Variants in MEIOSIN observed in about 807,000 individuals in gnomAD.
MEIOSIN encodes meiosis initiator, also known as meiosis initiator protein.
MEIOSIN carries 18 observed loss-of-function variants against 23.4 expected under a neutral mutation model. The observed-to-expected ratio is 0.77, with a 90% CI of 0.53 to 1.14. MEIOSIN has a LOEUF of 1.14. MEIOSIN is among the 50% of genes most tolerant of loss of function. The pLI, the probability that MEIOSIN is intolerant of heterozygous loss-of-function variation, is 0.00. For missense variants in MEIOSIN, 428 were observed against 242.9 expected (o/e 1.76, Z -5.07); for synonymous variants, 187 against 100.6 (o/e 1.86, Z -5.14).
chr19:45,748,332 G>A (rs901891600), intron 4 of MEIOSIN, among the ~76,000 whole-genome samples: 2 of 152,116 alleles, frequency 1.3e-5, no homozygotes, highest in African/African-American at 4.8e-5. Flanking sequence ...CACCCGCCTC[G>A]GGCTCTGAAA....
intron 2 of MEIOSIN, among the ~76,000 whole-genome samples, chr19:45,738,370 C>T (rs1050765020): frequency 2.2e-4 from 33 of 152,246 alleles, no homozygotes; most frequent in Admixed American, 1.7e-3. Flanking sequence ...GTAATCCCAA[C>T]ACTTGGCGAA....
chr19:45,758,359 G>T (rs1283327716), intron 9 of MEIOSIN, among the ~76,000 whole-genome samples: 1 of 151,766 alleles, frequency 6.6e-6, no homozygotes, highest in African/African-American at 2.4e-5. Context: ...TGCACATTAT[G>T]ATATTGATTT....
intron 5 of MEIOSIN, among the ~76,000 whole-genome samples, chr19:45,751,279 A>AATAATAATG (rs2146189070): frequency 7.3e-6 from 1 of 137,270 alleles, no homozygotes; most frequent in South Asian, 2.2e-4. Context: ...CTCAAATAAT[A>AATAATAATG]ATAATAATAA....
chr19:45,752,556 T>C (rs1463602892), intron 5 of MEIOSIN, among the ~76,000 whole-genome samples: 1 of 152,132 alleles, frequency 6.6e-6, no homozygotes, highest in Non-Finnish European at 1.5e-5. Context: ...TCTCACTGTG[T>C]TGCCCAAGCT....
chr19:45,749,577 C>T (rs1437490838), intron 4 of MEIOSIN, among the ~76,000 whole-genome samples: 1 of 134,702 alleles, frequency 7.4e-6, no homozygotes, highest in African/African-American at 2.8e-5. Context: ...CTCGCTGAGG[C>T]AGGAGAATGG....
At position 45,753,615 on chromosome 19, in the gene MEIOSIN, G is replaced by T. The variant is rs769635530; in HGVS notation, c.419-36G>T. 3 of 684,270 alleles carry T rather than the reference G, an allele frequency of 4.4e-6. No homozygotes were observed. The African/African-American group carries it at 5.3e-5, about 12-fold the overall frequency. 42.4% of individuals were successfully genotyped at this position (684,270 alleles called of 1,614,324 possible). On this transcript the variant is annotated intron_variant, in intron 5 of 14. Transcript: ENST00000457052. Reference sequence around the variant, plus strand: ...AACTGCAGTTGGATGCAGATGGGGTGGGGGATCTGAGCTGTTTCCCTCTCC... The same window carrying T: ...AACTGCAGTTGGATGCAGATGGGGTTGGGGATCTGAGCTGTTTCCCTCTCC...
At position 45,764,213 on chromosome 19, in the gene MEIOSIN, C is replaced by T; in HGVS notation, c.*95C>T. 2.5e-6 allele frequency: 1 copy of T among 398,202 alleles called. No individual in the cohort carries two copies. The highest frequency in any genetic ancestry group is 4.4e-6 in the Non-Finnish European group (1 of 225,928). 24.7% of individuals were successfully genotyped at this position (398,202 alleles called of 1,614,324 possible). On this transcript the variant is annotated 3_prime_UTR_variant, in exon 15 of 15. Transcript: ENST00000457052. ...CATCGATGAACTTGTCCCTCCTGGG[C>T]CTCCAGCCCCTGAGAATGCAGGTCC...
chr19:45,751,272 AAATAAT>A (rs145142679), intron 5 of MEIOSIN, among the ~76,000 whole-genome samples: 3,093 of 136,404 alleles, frequency 0.023, 74 homozygotes, highest in African/African-American at 0.058. Flanking sequence ...ACTGTGTCTC[AAATAAT>A]AATAATAATA....
chr19:45,756,355 G>A (rs1289616919), intron 8 of MEIOSIN, among the ~76,000 whole-genome samples: 2 of 152,170 alleles, frequency 1.3e-5, no homozygotes, highest in Non-Finnish European at 2.9e-5. Flanking sequence ...ACACAGAGAC[G>A]TTGACCACGG....
At chr19:45,759,330 G>A (rs1472602009) in intron 10 of MEIOSIN, 84 bp from the exon 11 acceptor site, 8 of 690,346 alleles carry the variant, frequency 1.2e-5, no homozygotes, top group East Asian at 1.1e-4. Flanking sequence ...CGGGGACTCC[G>A]GCTAGCAGGG....
chr19:45,755,296 C>T (rs1242271593), intron 7 of MEIOSIN, among the ~76,000 whole-genome samples: 4 of 151,284 alleles, frequency 2.6e-5, no homozygotes, highest in South Asian at 4.2e-4. Flanking sequence ...ATTACAGGCG[C>T]GCACCACCAC....
intron 3 of MEIOSIN, among the ~76,000 whole-genome samples, chr19:45,741,142 G>A (rs1449084459): frequency 6.6e-6 from 1 of 152,098 alleles, no homozygotes; most frequent in Non-Finnish European, 1.5e-5. Context: ...GAGGTCAGGA[G>A]TTCGAGACCA....
chr19:45,761,771 C>A lies in MEIOSIN; in HGVS notation c.1338C>A (p.Ser446Arg). 2.8e-6 allele frequency: 2 copies of A among 701,962 alleles called. No homozygotes were observed. Among genetic ancestry groups the A allele is most frequent in the Non-Finnish European group, 5.2e-6 (2 of 383,954 alleles). The allele number at this position is 701,962 out of a possible 1,614,324, so 43.5% of individuals were successfully genotyped here. The change falls in exon 12 of 15, where the codon AGC becomes AGA. Residue 446 changes from serine to arginine, a missense_variant. Physicochemically the swap from Ser to Arg is moderately radical, Grantham distance 110. Transcript: ENST00000457052. ...VSLDHCYLSLSGNSKAPSSSS... is the reference protein window; with the variant it reads ...VSLDHCYLSLRGNSKAPSSSS... ...TGGACCACTGCTACCTCTCGCTGAGCGGGAACAGCAAGGCGCCATCCAGCT... is the reference window on the plus strand; with the variant it reads ...TGGACCACTGCTACCTCTCGCTGAGAGGGAACAGCAAGGCGCCATCCAGCT...
intron 3 of MEIOSIN, among the ~76,000 whole-genome samples, chr19:45,742,107 C>A (rs1968516282): frequency 1.3e-5 from 2 of 152,040 alleles, no homozygotes; most frequent in African/African-American, 4.8e-5. Context: ...AACTCCTGAC[C>A]TCAGGTGATC....
Position 45,759,019 on chromosome 19 carries a change from AGTACCT to A in MEIOSIN, c.1156_1161del (p.Tyr386_Leu387del). The A allele has an allele frequency of 1.4e-6, 1 of 703,090 alleles. No individual in the cohort carries two copies. The highest frequency in any genetic ancestry group is 2.6e-6 in the Non-Finnish European group (1 of 385,018). The allele number at this position is 703,090 out of a possible 1,614,324, so 43.6% of individuals were successfully genotyped here. A position where few individuals can be genotyped will look rare whatever the true frequency, so the allele number is the denominator to read the frequency against. ...GACGAGATCTTGGAGGATGACATGGAGTACCTGACCCAAGGTGAGGCCCAGGCCTGG... is the reference window on the plus strand; with the variant it reads ...GACGAGATCTTGGAGGATGACATGGAGACCCAAGGTGAGGCCCAGGCCTGG... On this transcript the variant is annotated inframe_deletion, in exon 10 of 15. Transcript: ENST00000457052.
chr19:45,756,880 C>T (rs1968841032), intron 8 of MEIOSIN, among the ~76,000 whole-genome samples: 1 of 152,174 alleles, frequency 6.6e-6, no homozygotes, highest in African/African-American at 2.4e-5. Context: ...TTCTCACATT[C>T]CAGTACTTCT....
At chr19:45,750,584 C>T (rs1968684126) in intron 4 of MEIOSIN, 91 bp from the exon 5 acceptor site, 1 of 390,826 alleles carries the variant, frequency 2.6e-6, no homozygotes, top group East Asian at 4.0e-5. Flanking sequence ...TGGTCTCGAA[C>T]TCCTGACCTC....
chr19:45,748,320 T>C (rs1346632247), intron 4 of MEIOSIN, among the ~76,000 whole-genome samples: 5 of 152,174 alleles, frequency 3.3e-5, no homozygotes, highest in Admixed American at 1.3e-4. Context: ...GACTTCGTGA[T>C]CCACCCGCCT....
intron 5 of MEIOSIN, among the ~76,000 whole-genome samples, chr19:45,752,890 G>A (rs1027167306): frequency 6.7e-6 from 1 of 149,742 alleles, no homozygotes. Context: ...TCTCATGCCT[G>A]CAAGCTCTTA....
Sources: gnomAD v4.1 joint callset for allele counts (sites outside exome capture counted in the v4.1 genomes callset) on GRCh38, gnomAD v4.1.1 for gene constraint, MANE v1.5 for transcripts, NCBI Gene and HGNC (gene_info 2026-07-23, HGNC 2026-07-21) for gene names.